The following GALNTL6 variants were observed in gnomAD, a reference collection of about 807,000 sequenced individuals.
GALNTL6 encodes polypeptide N-acetylgalactosaminyltransferase-like 6.
GALNTL6 carries 46 observed loss-of-function variants against 73.7 expected under a neutral mutation model. The observed-to-expected ratio is 0.62, with a 90% CI of 0.49 to 0.80. The LOEUF is 0.80. Ranked by LOEUF, GALNTL6 falls within the 30% of genes least tolerant of loss-of-function variation. The probability of loss-of-function intolerance (pLI) is 0.00; values close to 1 mark genes in which losing one functional copy is unlikely to be tolerated. For synonymous variants in GALNTL6, 259 were observed against 263.7 expected (o/e 0.98, Z 0.17); for missense variants, 604 against 755.0 (o/e 0.80, Z 2.34).
chr4:172,071,927 G>T (rs777832178), intron 2 of GALNTL6, among the ~76,000 whole-genome samples: 1 of 152,196 alleles, frequency 6.6e-6, no homozygotes, highest in Non-Finnish European at 1.5e-5. Context: ...GCTTAGGAAA[G>T]TTATCTGTTC....
chr4:171,992,083 G>A (rs942927565), intron 2 of GALNTL6, among the ~76,000 whole-genome samples: 1 of 151,884 alleles, frequency 6.6e-6, no homozygotes, highest in East Asian at 1.9e-4. Flanking sequence ...GGCTCTGAAA[G>A]CAAATTTAAT....
chr4:172,150,454 G>A (rs1234038611), intron 2 of GALNTL6, among the ~76,000 whole-genome samples: 1 of 152,202 alleles, frequency 6.6e-6, no homozygotes, highest in Non-Finnish European at 1.5e-5. Flanking sequence ...AGTTACATGA[G>A]TAGAATGGTA....
At chr4:171,954,647 A>G (rs1424096054) in intron 2 of GALNTL6, among the ~76,000 whole-genome samples, 1 of 152,196 alleles carries the variant, frequency 6.6e-6, no homozygotes, top group African/African-American at 2.4e-5. Flanking sequence ...GGGAAATTAG[A>G]CAATCAATTA....
At chr4:172,749,602 G>GC (rs1209685486) in intron 5 of GALNTL6, among the ~76,000 whole-genome samples, 2 of 151,676 alleles carry the variant, frequency 1.3e-5, no homozygotes, top group Admixed American at 6.6e-5. Context: ...ATGTCCCTAA[G>GC]CCCCCCAAAT....
chr4:172,792,671 CTT>C (rs71594009), intron 5 of GALNTL6, among the ~76,000 whole-genome samples: 3 of 135,690 alleles, frequency 2.2e-5, no homozygotes, highest in Non-Finnish European at 1.5e-5. Flanking sequence ...CATAGTTTAG[CTT>C]TTTTTTTTTT....
chr4:172,524,617 A>C (rs1330528161), intron 5 of GALNTL6, among the ~76,000 whole-genome samples: 1 of 152,204 alleles, frequency 6.6e-6, no homozygotes, highest in Non-Finnish European at 1.5e-5. Context: ...ATACTCGTAT[A>C]AGTCTCAGTA....
chr4:172,267,361 T>A (rs932594307), intron 3 of GALNTL6, among the ~76,000 whole-genome samples: 1 of 152,140 alleles, frequency 6.6e-6, no homozygotes, highest in African/African-American at 2.4e-5. Flanking sequence ...AAGCACAGGC[T>A]CAGGCACAAG....
intron 2 of GALNTL6, among the ~76,000 whole-genome samples, chr4:171,879,896 T>A (rs1736391813): frequency 6.6e-6 from 1 of 152,218 alleles, no homozygotes; most frequent in African/African-American, 2.4e-5. Context: ...AAGTATTTTG[T>A]TAAATATTTT....
At chr4:172,799,881 G>T (rs1025744260) in intron 5 of GALNTL6, among the ~76,000 whole-genome samples, 4 of 152,144 alleles carry the variant, frequency 2.6e-5, no homozygotes, top group African/African-American at 9.7e-5. Context: ...CCCACCAACT[G>T]ATGAATGGAT....
chr4:172,540,608 G>A (rs1161669824), intron 5 of GALNTL6, among the ~76,000 whole-genome samples: 1 of 152,104 alleles, frequency 6.6e-6, no homozygotes, highest in East Asian at 1.9e-4. Flanking sequence ...ATTTTAGGGA[G>A]ACAGGATTTA....
chr4:172,959,275 C>A (rs1404441798), intron 10 of GALNTL6, among the ~76,000 whole-genome samples: 1 of 151,960 alleles, frequency 6.6e-6, no homozygotes, highest in Non-Finnish European at 1.5e-5. Flanking sequence ...GAAAAGGTGG[C>A]AATGAGGTGT....
At chr4:172,060,289 T>A (rs1731156926) in intron 2 of GALNTL6, among the ~76,000 whole-genome samples, 1 of 152,176 alleles carries the variant, frequency 6.6e-6, no homozygotes, top group Admixed American at 6.5e-5. Flanking sequence ...CATATATACA[T>A]GTTTACACAT....
At chr4:172,233,967 A>G (rs1737159301) in intron 3 of GALNTL6, among the ~76,000 whole-genome samples, 1 of 151,962 alleles carries the variant, frequency 6.6e-6, no homozygotes, top group African/African-American at 2.4e-5. Flanking sequence ...TTTTGTTCTC[A>G]GATTATGTTT....
rs118040742 is a variant in GALNTL6, at chr4:172,003,416, T to C, written c.138+188698T>C. ...CAGAAAAAAACTTTTCATTATTTTA[T>C]ACATTTTATTATGTAACTTTTGTCC... On this transcript the variant is annotated intron_variant, in intron 2 of 12. Transcript: ENST00000506823. Among the ~76,000 whole-genome samples the C allele has an allele frequency of 1.4e-3, 207 of 152,286 alleles. 3 individuals are homozygous for C. In the East Asian group the frequency reaches 0.035, roughly 26 times the overall value.
chr4:172,577,234 T>C (rs536202704), intron 5 of GALNTL6, among the ~76,000 whole-genome samples: 2 of 152,324 alleles, frequency 1.3e-5, no homozygotes, highest in East Asian at 3.9e-4. Flanking sequence ...AAAAATAATG[T>C]TGAGTGGGTG....
At chr4:172,843,870 G>T (rs1743348134) in intron 7 of GALNTL6, among the ~76,000 whole-genome samples, 1 of 152,068 alleles carries the variant, frequency 6.6e-6, no homozygotes, top group Non-Finnish European at 1.5e-5. Context: ...ACCAGCCTGG[G>T]CACCATAGTG....
intron 5 of GALNTL6, among the ~76,000 whole-genome samples, chr4:172,490,324 G>T (rs1308252086): frequency 6.6e-6 from 1 of 152,112 alleles, no homozygotes; most frequent in African/African-American, 2.4e-5. Context: ...TTCCTTTTCT[G>T]AGTCTGGGTA....
Position 172,376,925 on chromosome 4 carries a change from C to T in GALNTL6, c.553+28236C>T, listed in dbSNP as rs1040499292. 5.3e-5 allele frequency among the ~76,000 whole-genome samples: 8 copies of T among 152,198 alleles called. No homozygotes were observed. In the Middle Eastern group the frequency reaches 0.017, roughly 326 times the overall value. ...CTTCCTTCTGTTGGGTTCATGGTCT[C>T]GCTGGCTTCAGGAGTGAAGCTGGAG... On this transcript the variant is annotated intron_variant, in intron 5 of 12. Coordinates refer to ENST00000506823, the MANE Select transcript of GALNTL6 (RefSeq NM_001034845.3).
intron 5 of GALNTL6, among the ~76,000 whole-genome samples, chr4:172,442,718 G>A (rs1198795353): frequency 1.3e-5 from 2 of 152,042 alleles, no homozygotes; most frequent in Admixed American, 6.6e-5. Flanking sequence ...ATATTTCAAG[G>A]CTTTTCTGTA....
Sources: gnomAD v4.1 joint callset for allele counts (sites outside exome capture counted in the v4.1 genomes callset) on GRCh38, gnomAD v4.1.1 for gene constraint, MANE v1.5 for transcripts, NCBI Gene and HGNC (gene_info 2026-07-23, HGNC 2026-07-21) for gene names.